The following PIK3C2G variants were observed in gnomAD, a reference collection of about 807,000 sequenced individuals.
The protein encoded by PIK3C2G is phosphatidylinositol 3-kinase C2 domain-containing subunit gamma.
In PIK3C2G, 168 loss-of-function variants were observed where a neutral mutation model predicts 181.1. That is an observed-to-expected ratio of 0.93 (90% confidence interval 0.82 to 1.05). PIK3C2G has a LOEUF of 1.05. Among genes scored for constraint, PIK3C2G ranks in the 50% least tolerant of loss-of-function variants. The pLI, the probability that PIK3C2G is intolerant of heterozygous loss-of-function variation, is 0.00. For missense variants in PIK3C2G, 1,869 were observed against 1,732.8 expected (o/e 1.08, Z -1.40); for synonymous variants, 573 against 592.2 (o/e 0.97, Z 0.47).
At chr12:18,446,908 G>A (rs1400373026) in intron 18 of PIK3C2G, among the ~76,000 whole-genome samples, 1 of 151,886 alleles carries the variant, frequency 6.6e-6, no homozygotes, top group East Asian at 1.9e-4. Flanking sequence ...TAGGCATCTC[G>A]CTATTTAATG....
At chr12:18,472,578 T>G (rs761884357) in intron 18 of PIK3C2G, among the ~76,000 whole-genome samples, 62 of 152,176 alleles carry the variant, frequency 4.1e-4, no homozygotes, top group Non-Finnish European at 6.9e-4. Flanking sequence ...GTGTAGGCAT[T>G]TAGTATTATA....
chr12:18,714,747 A>G, the PIK3C2G span: 1 of 152,172 alleles, frequency 6.6e-6, no homozygotes, highest in African/African-American at 2.4e-5. Flanking sequence ...GGCTGCCACA[A>G]CTGGAGATAG....
At chr12:18,440,401 A>T (rs1311385460) in intron 18 of PIK3C2G, among the ~76,000 whole-genome samples, 8 of 152,180 alleles carry the variant, frequency 5.3e-5, no homozygotes, top group Admixed American at 5.2e-4. Context: ...CCATACTTGT[A>T]AGGCATTGAT....
rs571536460 is a variant in PIK3C2G, at chr12:18,447,670, A to G, written c.2504+23631A>G. ...AACTACCTGGATTTGTTAATTAAAA[A>G]TATGTAAAAATATTACCTGAAAAAA... On this transcript the variant is annotated intron_variant, in intron 18 of 32. Transcript: ENST00000538779. Among the ~76,000 whole-genome samples, 6 of 152,312 alleles carry G rather than the reference A, an allele frequency of 3.9e-5. No individual in the cohort carries two copies. The East Asian group carries it at 1.2e-3, about 29-fold the overall frequency.
At chr12:18,410,549 T>C (rs1168266848) in intron 16 of PIK3C2G, among the ~76,000 whole-genome samples, 1 of 150,754 alleles carries the variant, frequency 6.6e-6, no homozygotes, top group African/African-American at 2.4e-5. Context: ...CAGATTAGGA[T>C]CCATTGGCTT....
chr12:18,291,687 A>G (rs182727154), intron 4 of PIK3C2G, among the ~76,000 whole-genome samples: 3 of 152,246 alleles, frequency 2.0e-5, no homozygotes, highest in Admixed American at 2.0e-4. Context: ...CTACATATCA[A>G]CAGGAAACTA....
At chr12:18,351,945 G>T (rs928288549) in intron 11 of PIK3C2G, among the ~76,000 whole-genome samples, 4 of 152,108 alleles carry the variant, frequency 2.6e-5, no homozygotes, top group African/African-American at 9.7e-5. Context: ...ATGTGTAGTG[G>T]GCTTTGCCAT....
chr12:18,602,365 G>T (rs1947775360), intron 30 of PIK3C2G, among the ~76,000 whole-genome samples: 1 of 151,240 alleles, frequency 6.6e-6, no homozygotes, highest in South Asian at 2.1e-4. Flanking sequence ...CCCCACAGCA[G>T]TCGCAGCAAG....
intron 20 of PIK3C2G, among the ~76,000 whole-genome samples, 175 bp downstream of exon 20, chr12:18,491,733 G>A (rs975106078): frequency 6.6e-6 from 1 of 151,892 alleles, no homozygotes; most frequent in African/African-American, 2.4e-5. Context: ...AAGACCAGTT[G>A]GGATCACATT....
At chr12:18,552,666 C>T (rs1234240150) in intron 26 of PIK3C2G, among the ~76,000 whole-genome samples, 1 of 152,070 alleles carries the variant, frequency 6.6e-6, no homozygotes, top group Non-Finnish European at 1.5e-5. Context: ...GTTATAATAA[C>T]AAACCTGAAC....
At chr12:18,657,562 T>A in the PIK3C2G span, among the ~76,000 whole-genome samples, 2 of 152,070 alleles carry the variant, frequency 1.3e-5, no homozygotes, top group African/African-American at 4.8e-5. Context: ...TTTAAAGAAA[T>A]CTCTGTAAAA....
intron 5 of PIK3C2G, among the ~76,000 whole-genome samples, chr12:18,295,903 A>G (rs1338427737): frequency 2.0e-5 from 3 of 152,060 alleles, no homozygotes; most frequent in African/African-American, 7.2e-5. Context: ...ACTTGTCTAA[A>G]AAATATGTCC....
intron 18 of PIK3C2G, among the ~76,000 whole-genome samples, chr12:18,479,401 C>T (rs1304548578): frequency 2.0e-5 from 3 of 152,092 alleles, no homozygotes; most frequent in African/African-American, 7.2e-5. Context: ...GAGTCAGACA[C>T]ACTTGGATCT....
At chr12:18,606,729 G>T (rs967471496) in intron 30 of PIK3C2G, among the ~76,000 whole-genome samples, 1 of 151,954 alleles carries the variant, frequency 6.6e-6, no homozygotes. Flanking sequence ...AGAAAGTTAA[G>T]ATTGACTTTC....
chr12:18,607,061 C>T, intron 30 of PIK3C2G: 1 of 381,486 alleles, frequency 2.6e-6, no homozygotes, highest in Non-Finnish European at 5.3e-6. Context: ...ATCCCCTAAA[C>T]AAACTGAGAC....
At chr12:18,532,078 G>T (rs575957060) in intron 24 of PIK3C2G, among the ~76,000 whole-genome samples, 2 of 152,124 alleles carry the variant, frequency 1.3e-5, no homozygotes, top group African/African-American at 4.8e-5. Context: ...CATTTTGATA[G>T]GTGGGTAGTG....
intron 29 of PIK3C2G, among the ~76,000 whole-genome samples, chr12:18,572,833 G>A (rs986766830): frequency 6.7e-6 from 1 of 149,654 alleles, no homozygotes; most frequent in Non-Finnish European, 1.5e-5. Context: ...ATAACTTCTG[G>A]GTTATTAATT....
At chr12:18,712,830 A>G in the PIK3C2G span, 1 of 1,613,200 alleles carries the variant, frequency 6.2e-7, no homozygotes, top group Non-Finnish European at 8.5e-7. Flanking sequence ...TTGAACAAAG[A>G]TATGTACATA....
intron 5 of PIK3C2G, among the ~76,000 whole-genome samples, chr12:18,295,553 T>C (rs1011971134): frequency 3.9e-4 from 60 of 152,142 alleles, no homozygotes; most frequent in African/African-American, 1.4e-3. Flanking sequence ...AATCATTGTT[T>C]TAAATAGGTA....
Sources: allele counts gnomAD v4.1 joint callset (sites outside exome capture counted in the v4.1 genomes callset), GRCh38; gene constraint gnomAD v4.1.1; transcripts MANE v1.5; gene names NCBI Gene and HGNC (gene_info 2026-07-23, HGNC 2026-07-21).